Variants in SCAF11 observed in about 807,000 individuals in gnomAD.
SCAF11 encodes SR-related CTD associated factor 11, also known as protein SCAF11.
SCAF11 carries 47 observed loss-of-function variants against 140.5 expected under a neutral mutation model. That is an observed-to-expected ratio of 0.33 (90% CI 0.26 to 0.43). The LOEUF (loss-of-function observed/expected upper bound fraction) is 0.43, where lower values mean the gene tolerates loss of function less well. Ranked by LOEUF, SCAF11 falls within the 20% of genes least tolerant of loss-of-function variation. The pLI is 1.00. For synonymous variants in SCAF11, 557 were observed against 579.4 expected, an observed-to-expected ratio of 0.96 and a Z score of 0.55; for missense variants, 1,645 against 1,705.1, an observed-to-expected ratio of 0.96 and a Z score of 0.62.
At chr12:45,925,281 G>A (rs958240469) in intron 11 of SCAF11, among the ~76,000 whole-genome samples, 1 of 152,164 alleles carries the variant, frequency 6.6e-6, no homozygotes, top group African/African-American at 2.4e-5. Context: ...GGCGAGGCAC[G>A]GTGGCTCAAG....
At chr12:45,961,677 A>G in intron 3 of SCAF11, 23 bp downstream of exon 3, 2 of 1,573,756 alleles carry the variant, frequency 1.3e-6, no homozygotes, top group Non-Finnish European at 1.7e-6. Context: ...GGAAATTAAA[A>G]TACATTAATG....
rs1403774003 is a variant in SCAF11, at chr12:45,921,972, G to A, written c.*76C>T. On this transcript the variant is annotated 3_prime_UTR_variant, in exon 15 of 15. Coordinates refer to ENST00000369367, the MANE Select transcript of SCAF11 (RefSeq NM_004719.3). ...CCAAATTTCAATCACAGTTATGTAT[G>A]ATTTTCAGTTAATGGTACATGTTGA... The A allele has an allele frequency of 6.8e-7, 1 of 1,474,054 alleles. No homozygotes were observed. The highest frequency in any genetic ancestry group is 9.1e-7 in the Non-Finnish European group (1 of 1,095,036). 91.3% of individuals were successfully genotyped at this position (1,474,054 alleles called of 1,614,324 possible). A position where few individuals can be genotyped will look rare whatever the true frequency, so the allele number is the denominator to read the frequency against.
At chr12:45,945,572 T>G (rs929487021) in intron 5 of SCAF11, among the ~76,000 whole-genome samples, 1 of 150,264 alleles carries the variant, frequency 6.7e-6, no homozygotes, top group African/African-American at 2.5e-5. Flanking sequence ...AAGATTTTGC[T>G]GACACCCAGG....
At chr12:45,925,136 C>T in intron 11 of SCAF11, 62 bp from the exon 12 acceptor site, 1 of 1,279,780 alleles carries the variant, frequency 7.8e-7, no homozygotes, top group Non-Finnish European at 1.1e-6. Context: ...GACAGAGAAA[C>T]AAAGAACCAC....
intron 1 of SCAF11, among the ~76,000 whole-genome samples, chr12:45,982,031 A>G (rs1158483845): frequency 6.6e-6 from 1 of 152,218 alleles, no homozygotes; most frequent in Non-Finnish European, 1.5e-5. Context: ...TGGAATGGCT[A>G]TATTAATATG....
At chr12:45,925,108 A>T in intron 11 of SCAF11, 34 bp from the exon 12 acceptor site, 2 of 1,526,842 alleles carry the variant, frequency 1.3e-6, no homozygotes, top group Non-Finnish European at 1.8e-6. Context: ...GAAAAAAATC[A>T]TGTTATAAAT....
At chr12:45,942,016 G>C (rs1945313987) in intron 6 of SCAF11, among the ~76,000 whole-genome samples, 1 of 152,210 alleles carries the variant, frequency 6.6e-6, no homozygotes, top group South Asian at 2.1e-4. Context: ...TCAATGAACA[G>C]TAAATGTATT....
chr12:45,970,455 C>T (rs1946047122), intron 1 of SCAF11, among the ~76,000 whole-genome samples: 1 of 152,216 alleles, frequency 6.6e-6, no homozygotes, highest in African/African-American at 2.4e-5. Flanking sequence ...CCCAATCCTG[C>T]CATGACAGAC....
intron 1 of SCAF11, among the ~76,000 whole-genome samples, 176 bp downstream of exon 1, chr12:45,990,177 G>A (rs1157788074): frequency 6.6e-6 from 1 of 152,122 alleles, no homozygotes; most frequent in Non-Finnish European, 1.5e-5. Flanking sequence ...ACTTCGAGAG[G>A]TAGCTCCAAC....
rs1171803435 is a variant in SCAF11, at chr12:45,932,984, T to C, written c.734+147A>G. Reference sequence around the variant, plus strand: ...GGGGTCCTTTATATAGCAATCTTTATTGGGCATTTGAAACACCAAAGTTTA... The same window carrying C: ...GGGGTCCTTTATATAGCAATCTTTACTGGGCATTTGAAACACCAAAGTTTA... On this transcript the variant is annotated intron_variant, in intron 9 of 14. Transcript: ENST00000369367. 1.4e-5 allele frequency: 8 copies of C among 565,144 alleles called. No individual in the cohort carries two copies. The East Asian group carries it at 1.7e-4, about 12-fold the overall frequency. The allele number at this position is 565,144 out of a possible 1,614,324, so 35.0% of individuals were successfully genotyped here. A position where few individuals can be genotyped will look rare whatever the true frequency, so the allele number is the denominator to read the frequency against.
At chr12:45,956,201 G>C in intron 3 of SCAF11, 3 of 715,580 alleles carry the variant, frequency 4.2e-6, no homozygotes, top group South Asian at 3.0e-5. Flanking sequence ...CTCTTAGAGA[G>C]AGAGAAACAA....
chr12:45,984,402 G>A (rs1946416554), intron 1 of SCAF11, among the ~76,000 whole-genome samples: 1 of 151,990 alleles, frequency 6.6e-6, no homozygotes, highest in African/African-American at 2.4e-5. Context: ...ATTATGATGT[G>A]TTTTTCTCAT....
intron 1 of SCAF11, among the ~76,000 whole-genome samples, chr12:45,967,285 T>C (rs1221088156): frequency 1.3e-5 from 2 of 152,026 alleles, no homozygotes; most frequent in African/African-American, 2.4e-5. Flanking sequence ...TTAAGACCCA[T>C]ATAGTGAAAT....
rs779951927 is a variant in SCAF11 at position 45,927,859 on chromosome 12, A to C, written c.1842T>G (p.Ser614=). The C allele has an allele frequency of 6.2e-7, 1 of 1,613,804 alleles. No homozygotes were observed. The highest frequency in any genetic ancestry group is 8.5e-7 in the Non-Finnish European group (1 of 1,179,944). ...ELIESPKLES[S]EGEIIQTVDR... is the part of the protein sequence containing the mutation. ...CCACTGTCTGTATAATTTCACCCTC[A>C]GAAGATTCTAACTTGGGGCTCTCTA... Residue 614 remains serine (S), a synonymous_variant, in exon 11 of 15, where the codon TCT becomes TCG. Transcript: ENST00000369367.
Position 45,931,507 on chromosome 12 carries a change from A to G in SCAF11, c.840T>C (p.Phe280=). The change falls in exon 10 of 15, where the codon TTT becomes TTC. Residue 280 remains phenylalanine (F), a splice_region_variant and synonymous_variant. Transcript: ENST00000369367. ...AGAAAATGATTTCACAAACTTTACC[A>G]AAATGTTCGAAAGATATGGTACTTG... ...FPTSTISFEH[F]GTSCKGYALA... The G allele has an allele frequency of 7.2e-7, 1 of 1,392,324 alleles. No individual in the cohort carries two copies. Among genetic ancestry groups the G allele is most frequent in the Non-Finnish European group, 9.5e-7 (1 of 1,056,052 alleles). 86.2% of individuals were successfully genotyped at this position (1,392,324 alleles called of 1,614,324 possible). A position where few individuals can be genotyped will look rare whatever the true frequency, so the allele number is the denominator to read the frequency against.
chr12:45,922,798 G>A, intron 13 of SCAF11, 138 bp downstream of exon 13: 1 of 870,244 alleles, frequency 1.1e-6, no homozygotes, highest in Non-Finnish European at 1.8e-6. Flanking sequence ...AACACATCTA[G>A]AGAGAATCCT....
chr12:45,989,428 GAAC>G (rs1565699231), intron 1 of SCAF11, among the ~76,000 whole-genome samples: 1 of 152,296 alleles, frequency 6.6e-6, no homozygotes, highest in Non-Finnish European at 1.5e-5. Flanking sequence ...CAAAATGAAT[GAAC>G]AACAGTCAGC....
chr12:45,929,991 A>G (rs144839979), intron 10 of SCAF11: 1 of 152,310 alleles, frequency 6.6e-6, no homozygotes, highest in African/African-American at 2.4e-5. Context: ...GATAACAGTG[A>G]ATTAATATAT....
At chr12:45,952,805 G>A (rs916191787) in intron 3 of SCAF11, among the ~76,000 whole-genome samples, 4 of 152,152 alleles carry the variant, frequency 2.6e-5, no homozygotes, top group Middle Eastern at 3.4e-3. Context: ...AAAATAAAAC[G>A]GAATTTTAAC....
Sources: allele counts gnomAD v4.1 joint callset (sites outside exome capture counted in the v4.1 genomes callset), GRCh38; gene constraint gnomAD v4.1.1; transcripts MANE v1.5; gene names NCBI Gene and HGNC (gene_info 2026-07-23, HGNC 2026-07-21).